Variants in ZFR observed in about 807,000 individuals in gnomAD.
ZFR encodes the protein zinc finger RNA binding protein, also known as zinc finger RNA-binding protein.
ZFR carries 19 observed loss-of-function variants against 130.7 expected under a neutral mutation model. That is an observed-to-expected ratio of 0.15 (90% CI 0.10 to 0.21). ZFR has a LOEUF of 0.21. Ranked by LOEUF, ZFR falls within the 10% of genes least tolerant of loss-of-function variation. ZFR has a pLI of 1.00. For synonymous variants in ZFR, 466 were observed against 456.9 expected (o/e 1.02, Z -0.25); for missense variants, 872 against 1,321.5 (o/e 0.66, Z 5.27).
chr5:32,359,902 C>T (rs1752393468), intron 19 of ZFR, among the ~76,000 whole-genome samples: 1 of 151,386 alleles, frequency 6.6e-6, no homozygotes, highest in African/African-American at 2.4e-5. Context: ...TGAGATTGCG[C>T]CTTTGCACTC....
rs111580641 is a variant in ZFR at position 32,386,590 on chromosome 5, A to G, written c.2500-941T>C. 4.3e-3 allele frequency among the ~76,000 whole-genome samples: 658 copies of G among 152,212 alleles called. 3 individuals are homozygous for G. Among genetic ancestry groups the G allele is most frequent in the African/African-American group, 0.015 (640 of 41,538 alleles). On this transcript the variant is annotated intron_variant, in intron 14 of 19. Coordinates refer to ENST00000265069, the MANE Select transcript of ZFR (RefSeq NM_016107.5). ...CCTTCATTGCCCTAGCAGCCTCAAC[A>G]GGAGTAAGAAGTAAACACACAACAC... is the stretch of plus-strand genomic sequence containing the variant.
chr5:32,413,161 C>T (rs1251803671), intron 5 of ZFR, among the ~76,000 whole-genome samples: 1 of 151,764 alleles, frequency 6.6e-6, no homozygotes, highest in Non-Finnish European at 1.5e-5. Context: ...TGCACTCCAG[C>T]CGAGGCGACA....
chr5:32,373,009 T>A (rs781396131), intron 17 of ZFR, among the ~76,000 whole-genome samples: 1 of 152,150 alleles, frequency 6.6e-6, no homozygotes, highest in Non-Finnish European at 1.5e-5. Flanking sequence ...AAATTGCAAA[T>A]AGCAGACTAC....
intron 2 of ZFR, among the ~76,000 whole-genome samples, chr5:32,441,543 T>C (rs1754474433): frequency 6.6e-6 from 1 of 152,176 alleles, no homozygotes; most frequent in African/African-American, 2.4e-5. Context: ...TGCATATGTT[T>C]TCAGGCGTGA....
At chr5:32,390,990 G>A (rs1753156547) in intron 11 of ZFR, among the ~76,000 whole-genome samples, 1 of 152,186 alleles carries the variant, frequency 6.6e-6, no homozygotes, top group African/African-American at 2.4e-5. Flanking sequence ...ATTAATTGTT[G>A]CCATAAGGGA....
At chr5:32,376,975 A>AG (rs1752828055) in intron 17 of ZFR, among the ~76,000 whole-genome samples, 1 of 141,046 alleles carries the variant, frequency 7.1e-6, no homozygotes, top group South Asian at 2.3e-4. Flanking sequence ...TGTCTGAAAA[A>AG]AAACCCCTGT....
chr5:32,356,249 A>G (rs923265911), intron 19 of ZFR, among the ~76,000 whole-genome samples: 2 of 152,106 alleles, frequency 1.3e-5, no homozygotes, highest in African/African-American at 2.4e-5. Flanking sequence ...TTGAAAACAA[A>G]GAAAAATGGG....
intron 2 of ZFR, among the ~76,000 whole-genome samples, chr5:32,421,255 A>T (rs936778392): frequency 1.3e-5 from 2 of 152,162 alleles, no homozygotes; most frequent in Admixed American, 6.5e-5. Flanking sequence ...TATTTAGCTG[A>T]TAGGTTTTAG....
intron 9 of ZFR, 117 bp from the exon 10 acceptor site, chr5:32,397,455 A>C: frequency 7.5e-7 from 1 of 1,336,976 alleles, no homozygotes; most frequent in Non-Finnish European, 1.0e-6. Context: ...AATGTCTATT[A>C]CATTTTTTTT....
intron 19 of ZFR, among the ~76,000 whole-genome samples, chr5:32,358,622 TC>T (rs1428853732): frequency 6.6e-6 from 1 of 151,166 alleles, no homozygotes; most frequent in Non-Finnish European, 1.5e-5. Context: ...ACGGCGAGAC[TC>T]CGTCTCAAAG....
At chr5:32,434,072 AAAC>A (rs759904343) in intron 2 of ZFR, among the ~76,000 whole-genome samples, 16 of 152,364 alleles carry the variant, frequency 1.1e-4, no homozygotes, top group African/African-American at 2.4e-4. Context: ...CCTTGCCTCA[AAAC>A]AACAACAAAA....
chr5:32,420,326 T>G (rs929580761), intron 2 of ZFR, among the ~76,000 whole-genome samples: 3 of 152,272 alleles, frequency 2.0e-5, no homozygotes, highest in South Asian at 4.1e-4. Context: ...TTTCATTCTT[T>G]AATCTCAATA....
At chr5:32,391,692 T>TAAGA (rs898864974) in intron 11 of ZFR, among the ~76,000 whole-genome samples, 1 of 152,082 alleles carries the variant, frequency 6.6e-6, no homozygotes, top group Non-Finnish European at 1.5e-5. Flanking sequence ...TGTTAACATA[T>TAAGA]AAGAAAGAAG....
At chr5:32,429,423 A>G (rs571844571) in intron 2 of ZFR, among the ~76,000 whole-genome samples, 2 of 152,160 alleles carry the variant, frequency 1.3e-5, no homozygotes, top group Non-Finnish European at 2.9e-5. Flanking sequence ...ACTAAAAAAT[A>G]CAAAAATTAG....
At chr5:32,420,225 C>T (rs898406206) in intron 2 of ZFR, 122 bp from the exon 3 acceptor site, 1 of 1,136,854 alleles carries the variant, frequency 8.8e-7, no homozygotes, top group African/African-American at 1.6e-5. Context: ...AATGACGGAC[C>T]ACAAAAGGTC....
At chr5:32,404,249 T>C in intron 6 of ZFR, 152 bp from the exon 7 acceptor site, 1 of 602,754 alleles carries the variant, frequency 1.7e-6, no homozygotes, top group South Asian at 2.4e-5. Context: ...TCGTTACATA[T>C]GTGACATATC....
At chr5:32,379,054 G>A (rs1195405529) in intron 17 of ZFR, 61 bp downstream of exon 17, 1 of 1,261,072 alleles carries the variant, frequency 7.9e-7, no homozygotes, top group African/African-American at 1.5e-5. Context: ...AAACTGAGAG[G>A]ATAAAAGCTG....
chr5:32,390,467 T>A (rs746178041), intron 11 of ZFR, 30 bp from the exon 12 acceptor site: 1 of 1,588,598 alleles, frequency 6.3e-7, no homozygotes, highest in East Asian at 2.3e-5. Context: ...ATTATAAGCA[T>A]ATGAGGAAAA....
intron 17 of ZFR, among the ~76,000 whole-genome samples, chr5:32,370,089 A>ATTAT (rs1491122580): frequency 1.5e-4 from 18 of 121,930 alleles, no homozygotes; most frequent in Admixed American, 8.4e-5. Context: ...ACAGTGGCAG[A>ATTAT]TTTTTTTTTT....
Sources: allele counts gnomAD v4.1 joint callset (sites outside exome capture counted in the v4.1 genomes callset), GRCh38; gene constraint gnomAD v4.1.1; transcripts MANE v1.5; gene names NCBI Gene and HGNC (gene_info 2026-07-23, HGNC 2026-07-21).